DIXDC1: variants seen among roughly 807,000 people sequenced by gnomAD.
DIXDC1 encodes dixin.
DIXDC1 carries 64 observed loss-of-function variants against 103.1 expected under a neutral mutation model. The observed-to-expected ratio is 0.62, with a 90% CI of 0.51 to 0.76. The LOEUF (loss-of-function observed/expected upper bound fraction) is 0.76. DIXDC1 is among the 30% of genes least tolerant of loss of function. The pLI, the probability that DIXDC1 is intolerant of heterozygous loss-of-function variation, is 0.00. For synonymous variants in DIXDC1, 266 were observed against 298.5 expected (o/e 0.89, Z 1.12); for missense variants, 759 against 834.2 (o/e 0.91, Z 1.11).
chr11:111,987,740 A>T (rs1555174040), intron 9 of DIXDC1, among the ~76,000 whole-genome samples: 1 of 151,050 alleles, frequency 6.6e-6, no homozygotes, highest in African/African-American at 2.4e-5. Context: ...GCTCACTGCA[A>T]CCTCTGCCTC....
At chr11:111,952,774 C>G (rs986000420) in intron 1 of DIXDC1, among the ~76,000 whole-genome samples, 1 of 147,578 alleles carries the variant, frequency 6.8e-6, no homozygotes, top group East Asian at 2.0e-4. Context: ...GAGCCGAGAT[C>G]ACACCACTAC....
At position 111,977,228 on chromosome 11, in the gene DIXDC1, CG is replaced by C. The variant is rs1860133053; in HGVS notation, c.656+2247del. On this transcript the variant is annotated intron_variant, in intron 5 of 19. Coordinates refer to ENST00000440460, the MANE Select transcript of DIXDC1 (RefSeq NM_001037954.4). The surrounding 1 kb of genome is among the most constrained non-coding windows in gnomAD (Gnocchi z 6.1). Reference sequence around the variant, plus strand: ...CCGTCCAGAGCGGTCGGTTGGCCAGCGGAGCTGGCTTGGGTCGGAGCCCGGC... The same window carrying C: ...CCGTCCAGAGCGGTCGGTTGGCCAGCGAGCTGGCTTGGGTCGGAGCCCGGC... 1 of 995,052 alleles carries C rather than the reference CG, an allele frequency of 1.0e-6. No homozygotes were observed. The highest frequency in any genetic ancestry group is 1.7e-5 in the African/African-American group (1 of 57,266). 61.6% of individuals were successfully genotyped at this position (995,052 alleles called of 1,614,324 possible). A position where few individuals can be genotyped will look rare whatever the true frequency, so the allele number is the denominator to read the frequency against.
rs1490808471 is a variant in DIXDC1, at chr11:112,020,606, TAC to T, written c.*1572_*1573del. ...TTTCTAGAGAACCCAGTAGCTTTTA[TAC>T]AGTCTCTTCTTACCACCCCTTGTGG... On this transcript the variant is annotated 3_prime_UTR_variant, in exon 20 of 20. Transcript: ENST00000440460. 3 of 152,256 alleles carry T rather than the reference TAC, an allele frequency of 2.0e-5. No homozygotes were observed. Among genetic ancestry groups the T allele is most frequent in the African/African-American group, 7.2e-5 (3 of 41,474 alleles). The allele number at this position is 152,256 out of a possible 1,614,324, so 9.4% of individuals were successfully genotyped here.
upstream of DIXDC1, among the ~76,000 whole-genome samples, chr11:111,934,057 A>G (rs587598164): frequency 2.0e-5 from 3 of 152,346 alleles, no homozygotes; most frequent in Admixed American, 2.0e-4. Context: ...TTCTTATGTA[A>G]TGTAATGTTG....
chr11:112,000,494 C>G (rs889842655), intron 17 of DIXDC1, among the ~76,000 whole-genome samples: 1 of 152,010 alleles, frequency 6.6e-6, no homozygotes, highest in Non-Finnish European at 1.5e-5. Flanking sequence ...GTCAGGAGAT[C>G]GAGACCACCC....
Position 112,017,344 on chromosome 11 carries a change from T to C in DIXDC1, c.1863-433T>C, listed in dbSNP as rs1370188697. ...TCTTACTTAGTCTGCTTATTTAGTCTGGGTTAGAAGCCAGCTTCCTAAAGA... is the reference window on the plus strand; with the variant it reads ...TCTTACTTAGTCTGCTTATTTAGTCCGGGTTAGAAGCCAGCTTCCTAAAGA... On this transcript the variant is annotated intron_variant, in intron 18 of 19. Coordinates refer to ENST00000440460, the MANE Select transcript of DIXDC1 (RefSeq NM_001037954.4). This position sits in a 1 kb window ranked among gnomAD's most constrained non-coding sequence, Gnocchi z 4.0. Among the ~76,000 whole-genome samples, 1 of 152,216 alleles carries C rather than the reference T, an allele frequency of 6.6e-6. No homozygotes were observed. Among genetic ancestry groups the C allele is most frequent in the Non-Finnish European group, 1.5e-5 (1 of 68,030 alleles).
chr11:111,995,823 C>G (rs1860880281), intron 16 of DIXDC1, among the ~76,000 whole-genome samples: 1 of 152,166 alleles, frequency 6.6e-6, no homozygotes, highest in African/African-American at 2.4e-5. Flanking sequence ...CACAGGGTCT[C>G]CCTTTACGCT....
chr11:111,959,252 A>G (rs1341826682), intron 1 of DIXDC1, among the ~76,000 whole-genome samples: 1 of 152,214 alleles, frequency 6.6e-6, no homozygotes, highest in Non-Finnish European at 1.5e-5. Flanking sequence ...TGCAGAGAGA[A>G]GAGCTCCCTT....
intron 3 of DIXDC1, 84 bp downstream of exon 3, chr11:111,968,722 G>T (rs894769782): frequency 5.7e-5 from 76 of 1,340,954 alleles, no homozygotes; most frequent in Non-Finnish European, 7.2e-5. Context: ...GCTGTAACCT[G>T]GGGGAAGATA....
At chr11:111,975,442 C>G in intron 5 of DIXDC1, 1 of 1,009,528 alleles carries the variant, frequency 9.9e-7, no homozygotes, top group Non-Finnish European at 1.2e-6. Flanking sequence ...TTCCAACTTT[C>G]CTCTACAGGA....
At position 111,974,311 on chromosome 11, in the gene DIXDC1, T is replaced by C; in HGVS notation, c.548+57T>C. On this transcript the variant is annotated intron_variant, in intron 4 of 19. Coordinates refer to ENST00000440460, the MANE Select transcript of DIXDC1 (RefSeq NM_001037954.4). ...TCCCTCTCTCTGATACTTCTTCTGTTAGATGATACAGTGCAGTAGATAGAA... is the reference window on the plus strand; with the variant it reads ...TCCCTCTCTCTGATACTTCTTCTGTCAGATGATACAGTGCAGTAGATAGAA... 3.3e-6 allele frequency: 5 copies of C among 1,508,514 alleles called. No individual in the cohort carries two copies. The Admixed American group carries it at 7.8e-5, about 24-fold the overall frequency. The allele number at this position is 1,508,514 out of a possible 1,614,324, so 93.4% of individuals were successfully genotyped here.
In DIXDC1 at chr11:111,977,498, G is replaced by T. The variant is rs1860149169; in HGVS notation, c.656+2515G>T. Reference sequence around the variant, plus strand: ...CAGCCTGCGAGGGGAGGCAGCTTCCGCCGGGGCCGGGCTGCTGCACAGTCT... The same window carrying T: ...CAGCCTGCGAGGGGAGGCAGCTTCCTCCGGGGCCGGGCTGCTGCACAGTCT... On this transcript the variant is annotated intron_variant, in intron 5 of 19. Coordinates refer to ENST00000440460, the MANE Select transcript of DIXDC1 (RefSeq NM_001037954.4). The surrounding 1 kb of genome is among the most constrained non-coding windows in gnomAD (Gnocchi z 6.1). The T allele has an allele frequency of 7.5e-7, 1 of 1,334,650 alleles. No individual in the cohort carries two copies. 82.7% of individuals were successfully genotyped at this position (1,334,650 alleles called of 1,614,324 possible). A position where few individuals can be genotyped will look rare whatever the true frequency, so the allele number is the denominator to read the frequency against.
At chr11:111,943,494 T>C (rs1211850467) in intron 1 of DIXDC1, among the ~76,000 whole-genome samples, 2 of 144,322 alleles carry the variant, frequency 1.4e-5, no homozygotes, top group Middle Eastern at 3.4e-3. Context: ...TCTCTTTTTT[T>C]TTTTTTTTTT....
intron 15 of DIXDC1, 57 bp downstream of exon 15, chr11:111,995,165 G>A: frequency 1.3e-6 from 2 of 1,568,810 alleles, no homozygotes; most frequent in Non-Finnish European, 1.7e-6. Flanking sequence ...CCAGAAGAGT[G>A]CCAAAGCCAT....
In DIXDC1 at chr11:111,976,062, T is replaced by A. The variant is rs959425869; in HGVS notation, c.656+1079T>A. 2 of 340,092 alleles carry A rather than the reference T, an allele frequency of 5.9e-6. No homozygotes were observed. The highest frequency in any genetic ancestry group is 4.5e-5 in the African/African-American group (2 of 44,866). 21.1% of individuals were successfully genotyped at this position (340,092 alleles called of 1,614,324 possible). A position where few individuals can be genotyped will look rare whatever the true frequency, so the allele number is the denominator to read the frequency against. Reference sequence around the variant, plus strand: ...ATCACCTCTATCCACTCAGAAGACATCTTCATCACCCCAAAAGGAAGCCCT... The same window carrying A: ...ATCACCTCTATCCACTCAGAAGACAACTTCATCACCCCAAAAGGAAGCCCT... On this transcript the variant is annotated intron_variant, in intron 5 of 19. Transcript: ENST00000440460. This position sits in a 1 kb window ranked among gnomAD's most constrained non-coding sequence, Gnocchi z 4.3.
chr11:111,986,835 T>C (rs1555173897), intron 8 of DIXDC1, 36 bp from the exon 9 acceptor site: 4 of 1,547,712 alleles, frequency 2.6e-6, no homozygotes, highest in African/African-American at 1.4e-5. Flanking sequence ...CTTCACAGCA[T>C]AGGTGCTTAG....
chr11:111,935,910 G>C (rs587754082), upstream of DIXDC1, among the ~76,000 whole-genome samples: 2 of 152,368 alleles, frequency 1.3e-5, no homozygotes, highest in African/African-American at 4.8e-5. Context: ...GTTGTGGTCA[G>C]GGAGATGTGT....
intron 1 of DIXDC1, among the ~76,000 whole-genome samples, chr11:111,951,895 T>G (rs1209830338): frequency 6.7e-6 from 1 of 150,374 alleles, no homozygotes; most frequent in African/African-American, 2.5e-5. Flanking sequence ...TGATGGAGTC[T>G]CACTCTGTCA....
upstream of DIXDC1, among the ~76,000 whole-genome samples, chr11:111,934,819 TA>T (rs1555167985): frequency 6.6e-6 from 1 of 152,228 alleles, no homozygotes; most frequent in African/African-American, 2.4e-5. Flanking sequence ...GCAGACTATG[TA>T]AAATAGTATA....
Sources: allele counts gnomAD v4.1 joint callset (sites outside exome capture counted in the v4.1 genomes callset), GRCh38; gene constraint gnomAD v4.1.1; non-coding constraint Gnocchi (gnomAD v3.1); transcripts MANE v1.5; gene names NCBI Gene and HGNC (gene_info 2026-07-23, HGNC 2026-07-21).